Variants in WDR11 observed in about 807,000 individuals in gnomAD.
WDR11 encodes WD repeat-containing protein 11.
Under a neutral mutation model 151.2 loss-of-function variants are expected in WDR11, and 83 were observed. The ratio of observed to expected loss-of-function variants is 0.55; its 90% CI spans 0.46 to 0.66. The LOEUF is 0.66. WDR11 is among the 30% of genes least tolerant of loss of function. The pLI is 0.00. For missense variants in WDR11, 1,301 were observed against 1,480.9 expected (o/e 0.88, Z 1.99); for synonymous variants, 484 against 533.1 (o/e 0.91, Z 1.27).
chr10:120,866,550 A>G lies in WDR11; in HGVS notation c.995-19A>G, dbSNP rs778156032. ...TCGATATGGCTGCTTTCTGATATTT[A>G]AAACAATTTTATGTGAAGATCCAGA... On this transcript the variant is annotated intron_variant, in intron 7 of 28. Transcript: ENST00000263461. The G allele has an allele frequency of 1.2e-6, 2 of 1,614,024 alleles. No individual in the cohort carries two copies. The highest frequency in any genetic ancestry group is 8.5e-7 in the Non-Finnish European group (1 of 1,179,926).
chr10:120,851,907 A>G, intron 1 of WDR11: 1 of 321,622 alleles, frequency 3.1e-6, no homozygotes, highest in South Asian at 2.9e-5. Context: ...TCTTTCAACA[A>G]TGTGCCAGAC....
intron 16 of WDR11, among the ~76,000 whole-genome samples, chr10:120,887,648 C>T (rs1431442912): frequency 1.3e-5 from 2 of 152,164 alleles, no homozygotes; most frequent in African/African-American, 4.8e-5. Context: ...TCCAAGTTGG[C>T]TGCCTCACAG....
chr10:120,890,661 A>C, intron 18 of WDR11, 55 bp from the exon 19 acceptor site: 2 of 1,607,016 alleles, frequency 1.2e-6, no homozygotes, highest in Non-Finnish European at 1.7e-6. Context: ...TTAATCTAGA[A>C]TAATAAAGAT....
chr10:120,894,781 A>G (rs1426530027), intron 19 of WDR11, among the ~76,000 whole-genome samples: 1 of 152,240 alleles, frequency 6.6e-6, no homozygotes, highest in Non-Finnish European at 1.5e-5. Flanking sequence ...CAATGATGCT[A>G]ACTGCTTTTG....
chr10:120,903,510 C>CA lies in WDR11; in HGVS notation c.2931+291dup, dbSNP rs60137682. ...GGGCAACAGAGCAAGACTCTGTCTC[C>CA]AAAAAAAAAAAAAGAAAGAAAAGAA... is the stretch of plus-strand genomic sequence containing the variant. On this transcript the variant is annotated intron_variant, in intron 23 of 28. Transcript: ENST00000263461. Among the ~76,000 whole-genome samples, 283 of 125,970 alleles carry CA rather than the reference C, an allele frequency of 2.2e-3. 3 individuals carry two copies. The highest frequency in any genetic ancestry group is 1.5e-3 in the Non-Finnish European group (89 of 58,310). The allele number at this position is 125,970 out of a possible 152,430, so 82.6% of individuals were successfully genotyped here.
chr10:120,884,632 T>C (rs980039044), intron 14 of WDR11, among the ~76,000 whole-genome samples: 2 of 151,672 alleles, frequency 1.3e-5, no homozygotes, highest in Admixed American at 6.6e-5. Flanking sequence ...ACAATGCATT[T>C]AATTAATCAA....
At chr10:120,889,618 C>A in intron 17 of WDR11, 2 of 479,384 alleles carry the variant, frequency 4.2e-6, no homozygotes, top group Non-Finnish European at 3.8e-6. Flanking sequence ...GGAGGTGTAG[C>A]TTGGACCCTT....
At chr10:120,875,978 CTTTTT>C (rs67775105) in intron 11 of WDR11, among the ~76,000 whole-genome samples, 4 of 122,812 alleles carry the variant, frequency 3.3e-5, no homozygotes, top group Non-Finnish European at 5.0e-5. Context: ...CCTTTTTTTT[CTTTTT>C]TTTTTTTTTT....
At position 120,901,648 on chromosome 10, in the gene WDR11, G is replaced by C. The variant is rs117879707; in HGVS notation, c.2687+550G>C. Among the ~76,000 whole-genome samples, 126 of 152,274 alleles carry C rather than the reference G, an allele frequency of 8.3e-4. 2 individuals are homozygous for C. The East Asian group carries it at 0.022, about 27-fold the overall frequency. On this transcript the variant is annotated intron_variant, in intron 21 of 28. Transcript: ENST00000263461. ...AACACATTTTTGCAATCTAGAATCT[G>C]TTACATATAATTATAGTATTTAACA...
At chr10:120,854,515 AGTATGTTTCTAG>A (rs1479389777) in intron 2 of WDR11, among the ~76,000 whole-genome samples, 1 of 152,084 alleles carries the variant, frequency 6.6e-6, no homozygotes, top group Non-Finnish European at 1.5e-5. Context: ...ATTTCCCTTG[AGTATGTTTCTAG>A]GGGTGGAATT....
intron 22 of WDR11, among the ~76,000 whole-genome samples, chr10:120,902,733 C>A (rs762226072): frequency 1.8e-4 from 26 of 146,072 alleles, no homozygotes; most frequent in Non-Finnish European, 3.7e-4. Context: ...CCAGTTATCC[C>A]AGAGGAACTT....
At chr10:120,907,433 TGA>T (rs1047775432) in intron 28 of WDR11, 2 of 158,442 alleles carry the variant, frequency 1.3e-5, no homozygotes, top group African/African-American at 4.8e-5. Context: ...AGAATGAACT[TGA>T]GAATGCAACT....
At chr10:120,902,190 TC>T in intron 21 of WDR11, 66 bp from the exon 22 acceptor site, 1 of 1,311,238 alleles carries the variant, frequency 7.6e-7, no homozygotes, top group Admixed American at 1.7e-5. Flanking sequence ...AGTATATTGA[TC>T]AACCCCCATG....
intron 9 of WDR11, chr10:120,868,845 A>AT (rs1846412913): frequency 6.6e-6 from 1 of 152,204 alleles, no homozygotes; most frequent in Non-Finnish European, 1.5e-5. Context: ...GATACTTACT[A>AT]TTATATCTAA....
rs1438730638 is a variant in WDR11 at position 120,908,610 on chromosome 10, G to A, written c.3572G>A (p.Gly1191Asp). The A allele has an allele frequency of 1.9e-6, 3 of 1,614,094 alleles. No individual in the cohort carries two copies. In the African/African-American group the frequency reaches 4.0e-5, roughly 22 times the overall value. The change falls in exon 29 of 29, where the codon GGT (glycine) becomes GAT (aspartate). Residue 1191 changes from glycine (G) to aspartate (D), a missense_variant. Coordinates refer to ENST00000263461, the MANE Select transcript of WDR11 (RefSeq NM_018117.12). The part of the protein sequence containing the change: ...ADYARSLKNL[G>D]FKQGAVLFAS... Reference sequence around the variant, plus strand: ...TATGCCCGGAGTTTGAAGAACCTCGGTTTTAAGCAGGGAGCAGTTCTCTTT... The same window carrying A: ...TATGCCCGGAGTTTGAAGAACCTCGATTTTAAGCAGGGAGCAGTTCTCTTT...
At chr10:120,896,358 G>A (rs368264607) in intron 19 of WDR11, among the ~76,000 whole-genome samples, 1 of 152,178 alleles carries the variant, frequency 6.6e-6, no homozygotes, top group East Asian at 1.9e-4. Flanking sequence ...TATGGGGATA[G>A]CAGTGAAACT....
intron 14 of WDR11, among the ~76,000 whole-genome samples, chr10:120,884,220 G>C (rs996368835): frequency 3.3e-5 from 5 of 152,104 alleles, no homozygotes; most frequent in Non-Finnish European, 5.9e-5. Flanking sequence ...AGGTGTGGGT[G>C]GGGTTGGCCC....
chr10:120,865,549 C>T, intron 6 of WDR11, 81 bp from the exon 7 acceptor site: 1 of 948,032 alleles, frequency 1.1e-6, no homozygotes, highest in South Asian at 1.6e-5. Context: ...CCCATATTAT[C>T]TAAATATGAG....
rs1180608375 is a variant in WDR11 at position 120,900,016 on chromosome 10, C to T, written c.2516-13C>T. ...CTTCATTTTATTTTTAAAAACCTTT[C>T]TTTGTTGTCTAGAGCCTGTGTGGTG... is the stretch of plus-strand genomic sequence containing the variant. On this transcript the variant is annotated splice_polypyrimidine_tract_variant and intron_variant, in intron 19 of 28. Transcript: ENST00000263461. 1.2e-6 allele frequency: 2 copies of T among 1,605,794 alleles called. No individual in the cohort carries two copies. The highest frequency in any genetic ancestry group is 1.7e-6 in the Non-Finnish European group (2 of 1,172,750).
Sources: allele counts gnomAD v4.1 joint callset (sites outside exome capture counted in the v4.1 genomes callset), GRCh38; gene constraint gnomAD v4.1.1; transcripts MANE v1.5; gene names NCBI Gene and HGNC (gene_info 2026-07-23, HGNC 2026-07-21).